RTCB: variants seen among roughly 807,000 people sequenced by gnomAD.
The protein encoded by RTCB is RNA 2',3'-cyclic phosphate and 5'-OH ligase.
Under a neutral mutation model 58.2 loss-of-function variants are expected in RTCB, and 32 were observed. That is an observed-to-expected ratio of 0.55 (90% confidence interval 0.41 to 0.74). RTCB has a LOEUF of 0.74. RTCB is among the 30% of genes least tolerant of loss of function. The pLI is 0.00. For missense variants in RTCB, 523 were observed against 639.0 expected (o/e 0.82, Z 1.96); for synonymous variants, 247 against 218.6 (o/e 1.13, Z -1.15).
At chr22:32,405,107 T>C (rs1933398393) in intron 4 of RTCB, among the ~76,000 whole-genome samples, 1 of 152,192 alleles carries the variant, frequency 6.6e-6, no homozygotes, top group African/African-American at 2.4e-5. Flanking sequence ...CATTTTATAA[T>C]ACTAAGACAT....
chr22:32,388,008 G>A lies in RTCB; in HGVS notation c.1502C>T (p.Ala501Val). ...TCCAAGGTTCTATCCTTTGATCACA[G>A]CAATTGGTCTCAGTTTAATGGCTTT... is the stretch of plus-strand genomic sequence containing the variant. ...SKKAIKLRPI[A>V]VIKG Residue 501 changes from alanine (A) to valine (V), a missense_variant, in exon 12 of 12, where the codon GCT becomes GTT. Around this residue, in one of 3 missense-constraint regions of RTCB, gnomAD observed 248 missense variants for 292.5 expected, o/e 0.85. Transcript: ENST00000216038. The A allele has an allele frequency of 1.9e-6, 3 of 1,612,256 alleles. No homozygotes were observed. Among genetic ancestry groups the A allele is most frequent in the South Asian group, 1.1e-5 (1 of 91,040 alleles).
Position 32,398,366 on chromosome 22 carries a change from A to C in RTCB, c.655-266T>G, listed in dbSNP as rs558578856. 6.6e-5 allele frequency among the ~76,000 whole-genome samples: 10 copies of C among 152,300 alleles called. No individual in the cohort carries two copies. In the South Asian group the frequency reaches 2.1e-3, roughly 32 times the overall value. ...AACTAACACAGGAACAGAAAACCAA[A>C]CACCACGGGTTCTCACTCATAAGTG... is the stretch of plus-strand genomic sequence containing the variant. On this transcript the variant is annotated intron_variant, in intron 6 of 11. Transcript: ENST00000216038.
rs370572665 is a variant in RTCB, at chr22:32,388,131, T to A, written c.1411-32A>T. ...GAGAGGAATTTAAACATTGTACAAG[T>A]CCACTGAAAACACAGTCTTTACAAG... On this transcript the variant is annotated intron_variant, in intron 11 of 11. Transcript: ENST00000216038. 15 of 1,370,298 alleles carry A rather than the reference T, an allele frequency of 1.1e-5. No homozygotes were observed. In the African/African-American group the frequency reaches 1.9e-4, roughly 17 times the overall value. 84.9% of individuals were successfully genotyped at this position (1,370,298 alleles called of 1,614,324 possible). A position where few individuals can be genotyped will look rare whatever the true frequency, so the allele number is the denominator to read the frequency against.
intron 5 of RTCB, among the ~76,000 whole-genome samples, chr22:32,400,624 T>C (rs983599183): frequency 6.6e-6 from 1 of 152,228 alleles, no homozygotes; most frequent in Non-Finnish European, 1.5e-5. Flanking sequence ...GCTTTTCAAA[T>C]TGGGGCTGCA....
intron 11 of RTCB, among the ~76,000 whole-genome samples, 190 bp downstream of exon 11, chr22:32,392,050 A>C (rs546544493): frequency 6.6e-6 from 1 of 152,302 alleles, no homozygotes; most frequent in East Asian, 1.9e-4. Flanking sequence ...TCGTAATTTT[A>C]ACCAAAAGAA....
Position 32,396,212 on chromosome 22 carries a change from GTC to G in RTCB, c.850_851del (p.Asp284GlnfsTer6). ...LVAMEKAMKR[D>X]KIIVNDRQLA... ...ACTGCCGATCATTGACTATAATCTT[GTC>G]TCTCTTCATGGCCTTCTCCATAGCT... On this transcript the variant is annotated frameshift_variant, in exon 8 of 12. Coordinates refer to ENST00000216038, the MANE Select transcript of RTCB (RefSeq NM_014306.5). LOFTEE classifies it high-confidence loss of function. 6.2e-7 allele frequency: 1 copy of G among 1,614,148 alleles called. No homozygotes were observed. The highest frequency in any genetic ancestry group is 8.5e-7 in the Non-Finnish European group (1 of 1,180,020).
chr22:32,398,660 T>C (rs1217050665), intron 6 of RTCB, among the ~76,000 whole-genome samples: 26 of 152,226 alleles, frequency 1.7e-4, no homozygotes, highest in Non-Finnish European at 1.5e-5. Context: ...ATCAAGCTTT[T>C]AAATGGTTCA....
At chr22:32,390,661 G>T (rs1263651158) in intron 11 of RTCB, among the ~76,000 whole-genome samples, 1 of 152,054 alleles carries the variant, frequency 6.6e-6, no homozygotes, top group Non-Finnish European at 1.5e-5. Context: ...TGTTAGCCAG[G>T]ATGGTCTTGA....
rs369658087 is a variant in RTCB at position 32,388,202 on chromosome 22, CAG to C, written c.1411-105_1411-104del. Reference sequence around the variant, plus strand: ...GAAATAAATGCACACTAAAATAATACAGAGAGTTTTTTTTTGCCTATGAAATT... The same window carrying C: ...GAAATAAATGCACACTAAAATAATACAGAGTTTTTTTTTGCCTATGAAATT... On this transcript the variant is annotated intron_variant, in intron 11 of 11. Transcript: ENST00000216038. 2,598 of 682,938 alleles carry C rather than the reference CAG, an allele frequency of 3.8e-3. 13 individuals are homozygous for C. The highest frequency in any genetic ancestry group is 4.3e-3 in the Non-Finnish European group (1,756 of 405,144). The allele number at this position is 682,938 out of a possible 1,614,324, so 42.3% of individuals were successfully genotyped here.
intron 10 of RTCB, among the ~76,000 whole-genome samples, chr22:32,392,921 C>G (rs1057167716): frequency 1.3e-5 from 2 of 152,178 alleles, no homozygotes; most frequent in Non-Finnish European, 2.9e-5. Flanking sequence ...TATGGCCCAC[C>G]ACCTGCTTTT....
chr22:32,401,810 T>C lies in RTCB; in HGVS notation c.434A>G (p.Gln145Arg). 1.2e-6 allele frequency: 2 copies of C among 1,614,052 alleles called. No individual in the cohort carries two copies. The highest frequency in any genetic ancestry group is 1.7e-6 in the Non-Finnish European group (2 of 1,179,926). The change falls in exon 5 of 12, where the codon CAA becomes CGA. Residue 145 changes from glutamine to arginine, a missense_variant. Coordinates refer to ENST00000216038, the MANE Select transcript of RTCB (RefSeq NM_014306.5). ...DVQPVKEQLA[Q>R]AMFDHIPVGV... ...AACAGGAATGTGGTCAAACATAGCT[T>C]GGGCAAGTTGCTCCTTCACAGGCTG...
chr22:32,406,707 T>C lies in RTCB; in HGVS notation c.295A>G (p.Met99Val). 6.2e-7 allele frequency: 1 copy of C among 1,613,026 alleles called. No individual in the cohort carries two copies. The highest frequency in any genetic ancestry group is 1.3e-5 in the African/African-American group (1 of 74,980). Reference sequence around the variant, plus strand: ...GGGTCATTCATATCAAAGGCTGCCATGTTCCCAATAGCAAACCCATATCCT... The same window carrying C: ...GGGTCATTCATATCAAAGGCTGCCACGTTCCCAATAGCAAACCCATATCCT... ...HSGYGFAIGN[M>V]AAFDMNDPEA... The change falls in exon 4 of 12, where the codon ATG becomes GTG. Residue 99 changes from methionine (M) to valine (V), a missense_variant. Around this residue, in one of 3 missense-constraint regions of RTCB, gnomAD observed 134 missense variants for 129.9 expected, o/e 1.03. Coordinates refer to ENST00000216038, the MANE Select transcript of RTCB (RefSeq NM_014306.5).
intron 7 of RTCB, among the ~76,000 whole-genome samples, chr22:32,396,994 G>T (rs111936223): frequency 6.6e-4 from 101 of 152,244 alleles, no homozygotes; most frequent in African/African-American, 2.2e-3. Flanking sequence ...AGTGTTTCTT[G>T]TGACAGGCAC....
chr22:32,397,838 G>T, intron 7 of RTCB, 103 bp downstream of exon 7: 2 of 1,042,826 alleles, frequency 1.9e-6, no homozygotes, highest in Non-Finnish European at 1.4e-6. Context: ...AATTGTTGAG[G>T]ACTCAGGATA....
At position 32,395,078 on chromosome 22, in the gene RTCB, C is replaced by A; in HGVS notation, c.1127G>T (p.Gly376Val). Residue 376 changes from glycine to valine, a missense_variant, in exon 9 of 12, where the codon GGA becomes GTA. This residue lies in a region of RTCB where 248 missense variants were observed against 292.5 expected (regional missense o/e 0.85). Coordinates refer to ENST00000216038, the MANE Select transcript of RTCB (RefSeq NM_014306.5). ...GTGAGGAGGGAAAGCGCGGGTGGAT[C>A]CCTTCCTGTGTACTAACAGTGTCCG... ...KERTLLVHRK[G>V]STRAFPPHHP... is the part of the protein sequence containing the mutation. 1 of 1,614,162 alleles carries A rather than the reference C, an allele frequency of 6.2e-7. No homozygotes were observed. Among genetic ancestry groups the A allele is most frequent in the Non-Finnish European group, 8.5e-7 (1 of 1,180,018 alleles).
chr22:32,403,863 G>A (rs1933378631), intron 4 of RTCB, among the ~76,000 whole-genome samples: 1 of 152,104 alleles, frequency 6.6e-6, no homozygotes, highest in African/African-American at 2.4e-5. Flanking sequence ...CATCCACCCT[G>A]TTAGCACCAT....
In RTCB at chr22:32,395,012, G is replaced by T. The variant is rs374994293; in HGVS notation, c.1179+14C>A. The T allele has an allele frequency of 6.3e-6, 10 of 1,598,254 alleles. No homozygotes were observed. In the African/African-American group the frequency reaches 1.2e-4, roughly 19 times the overall value. ...GCCCCCACTGCTTAAAACTACAAAC[G>T]TAGAGCTACGTACTTGGTAATCAAC... On this transcript the variant is annotated intron_variant, in intron 9 of 11. Coordinates refer to ENST00000216038, the MANE Select transcript of RTCB (RefSeq NM_014306.5).
chr22:32,404,173 C>G (rs1325649523), intron 4 of RTCB, among the ~76,000 whole-genome samples: 1 of 152,182 alleles, frequency 6.6e-6, no homozygotes, highest in East Asian at 1.9e-4. Flanking sequence ...TGGATATACA[C>G]CCAGTGATGC....
chr22:32,398,373 G>T (rs59857514), intron 6 of RTCB, among the ~76,000 whole-genome samples: 1 of 151,862 alleles, frequency 6.6e-6, no homozygotes, highest in Non-Finnish European at 1.5e-5. Context: ...CAAACACCAC[G>T]GGTTCTCACT....
Sources: gnomAD v4.1 joint callset for allele counts (sites outside exome capture counted in the v4.1 genomes callset) on GRCh38, gnomAD v4.1.1 for gene constraint, gnomAD v4.1.1 regional missense constraint, MANE v1.5 for transcripts, NCBI Gene and HGNC (gene_info 2026-07-23, HGNC 2026-07-21) for gene names.